CLPX: variants seen among roughly 807,000 people sequenced by gnomAD.
CLPX encodes ATP-dependent clpX-like chaperone, mitochondrial.
Under a neutral mutation model 76.4 loss-of-function variants are expected in CLPX, and 34 were observed. The ratio of observed to expected loss-of-function variants is 0.45; its 90% CI spans 0.34 to 0.59. The LOEUF (loss-of-function observed/expected upper bound fraction) is 0.59, where lower values mean the gene tolerates loss of function less well. Ranked by LOEUF, CLPX falls within the 20% of genes least tolerant of loss-of-function variation. The probability of loss-of-function intolerance (pLI) is 0.01; values close to 1 mark genes in which losing one functional copy is unlikely to be tolerated. For missense variants in CLPX, 613 were observed against 757.0 expected, an observed-to-expected ratio of 0.81 and a Z score of 2.23; for synonymous variants, 248 against 270.9, an observed-to-expected ratio of 0.92 and a Z score of 0.83.
At chr15:65,160,623 T>TCTCTCTCTCTCTCACA (rs1219208926) in intron 6 of CLPX, among the ~76,000 whole-genome samples, 23 of 101,022 alleles carry the variant, frequency 2.3e-4, no homozygotes, top group African/African-American at 7.5e-4. Context: ...TCTCTCTCTC[T>TCTCTCTCTCTCTCACA]CACACACACA....
At chr15:65,158,377 G>A in intron 7 of CLPX, 198 bp downstream of exon 7, 1 of 473,228 alleles carries the variant, frequency 2.1e-6, no homozygotes. Context: ...AAGATGTTAG[G>A]GATTGGCCTG....
intron 6 of CLPX, among the ~76,000 whole-genome samples, chr15:65,160,631 A>T (rs992911102): frequency 6.0e-5 from 9 of 149,676 alleles, no homozygotes; most frequent in African/African-American, 2.0e-4. Context: ...TCTCACACAC[A>T]CACACACACA....
chr15:65,156,180 T>C (rs1488581617), intron 9 of CLPX, among the ~76,000 whole-genome samples: 1 of 152,164 alleles, frequency 6.6e-6, no homozygotes, highest in East Asian at 1.9e-4. Flanking sequence ...TCAAGCACGG[T>C]GGGAACATTC....
At chr15:65,155,978 A>C in intron 9 of CLPX, 122 bp from the exon 10 acceptor site, 1 of 739,750 alleles carries the variant, frequency 1.4e-6, no homozygotes, top group Non-Finnish European at 2.2e-6. Context: ...TACCTAATGA[A>C]ACTCCCACAT....
In CLPX at chr15:65,178,501, CA is replaced by C. The variant is rs569043260; in HGVS notation, c.358+432del. 8.2e-4 allele frequency among the ~76,000 whole-genome samples: 125 copies of C among 152,188 alleles called. 1 individual carries two copies. The highest frequency in any genetic ancestry group is 2.9e-3 in the African/African-American group (119 of 41,550). ...ATTTACATATAATTTATATAACATA[CA>C]AAGTCACATACATTTATCTATTTCA... On this transcript the variant is annotated intron_variant, in intron 3 of 13. Transcript: ENST00000300107.
intron 6 of CLPX, among the ~76,000 whole-genome samples, chr15:65,159,756 T>G (rs375280478): frequency 6.6e-6 from 1 of 152,304 alleles, no homozygotes; most frequent in East Asian, 1.9e-4. Context: ...TTTGAGTACC[T>G]GTTATCACAA....
intron 12 of CLPX, among the ~76,000 whole-genome samples, chr15:65,152,900 T>G (rs1177200868): frequency 6.7e-6 from 1 of 150,204 alleles, no homozygotes; most frequent in African/African-American, 2.4e-5. Context: ...CCCAGCCTCT[T>G]TTTTTTTGTT....
At chr15:65,164,228 T>A (rs764803141) in intron 4 of CLPX, 40 bp from the exon 5 acceptor site, 1 of 1,506,778 alleles carries the variant, frequency 6.6e-7, no homozygotes, top group Non-Finnish European at 9.1e-7. Flanking sequence ...ATATGAGCTA[T>A]TATAAGAGCA....
intron 3 of CLPX, among the ~76,000 whole-genome samples, chr15:65,169,245 C>T (rs983376262): frequency 3.3e-5 from 5 of 151,896 alleles, no homozygotes; most frequent in African/African-American, 4.8e-5. Flanking sequence ...TGAGCCACTG[C>T]GCCCGGCCGA....
intron 13 of CLPX, 42 bp from the exon 14 acceptor site, chr15:65,150,955 G>A: frequency 7.2e-7 from 1 of 1,386,974 alleles, no homozygotes; most frequent in Non-Finnish European, 1.0e-6. Flanking sequence ...AATAAAAAAT[G>A]GAGGTAAACA....
At position 65,164,909 on chromosome 15, in the gene CLPX, C is replaced by T. The variant is rs1158754882; in HGVS notation, c.514-721G>A. The stretch of plus-strand genomic sequence containing the variant: ...GGGATTACAGGCATGAGCCACCAAG[C>T]TCAGCCCTAAAAACTTTATTCTTAA... On this transcript the variant is annotated intron_variant, in intron 4 of 13. Transcript: ENST00000300107. 5.9e-5 allele frequency among the ~76,000 whole-genome samples: 9 copies of T among 152,142 alleles called. No individual in the cohort carries two copies. In the South Asian group the frequency reaches 8.3e-4, roughly 14 times the overall value.
Position 65,164,037 on chromosome 15 carries a change from G to A in CLPX, c.665C>T (p.Thr222Ile), listed in dbSNP as rs1432102935. 6.2e-7 allele frequency: 1 copy of A among 1,613,114 alleles called. No homozygotes were observed. Among genetic ancestry groups the A allele is most frequent in the Non-Finnish European group, 8.5e-7 (1 of 1,179,630 alleles). ...ATTATCAAAAACGCTACCTCTTGGT[G>A]TTAATGATGTCTGCTTCTCAACCTC... ...QAEVEKQTSL[T>I]PRELEIRRRE... The change falls in exon 5 of 14, where the codon ACA (threonine) becomes ATA (isoleucine). Residue 222 changes from threonine (T) to isoleucine (I), a missense_variant. By Grantham distance (89) the Thr-to-Ile change is moderately conservative (BLOSUM62 -1). This residue lies in a region of CLPX where 450 missense variants were observed against 638.6 expected (regional missense o/e 0.70). Coordinates refer to ENST00000300107, the MANE Select transcript of CLPX (RefSeq NM_006660.5).
At chr15:65,153,408 A>G in intron 12 of CLPX, 139 bp downstream of exon 12, 1 of 609,306 alleles carries the variant, frequency 1.6e-6, no homozygotes, top group South Asian at 2.1e-5. Flanking sequence ...GTGAGCCAAG[A>G]TCGCACCACT....
intron 9 of CLPX, 126 bp from the exon 10 acceptor site, chr15:65,155,982 C>T: frequency 1.4e-6 from 1 of 710,788 alleles, no homozygotes; most frequent in Non-Finnish European, 2.3e-6. Flanking sequence ...TAATGAAACT[C>T]CCACATTCCT....
intron 3 of CLPX, among the ~76,000 whole-genome samples, chr15:65,173,385 A>AAAG (rs1295492791): frequency 1.3e-5 from 2 of 151,418 alleles, no homozygotes; most frequent in East Asian, 3.9e-4. Context: ...AAAAAAAAAA[A>AAAG]AAGAAGACAG....
At chr15:65,177,347 G>C (rs185221349) in intron 3 of CLPX, among the ~76,000 whole-genome samples, 62 of 152,294 alleles carry the variant, frequency 4.1e-4, no homozygotes, top group African/African-American at 1.4e-3. Flanking sequence ...GTGATTACTG[G>C]TGTGAGCCAC....
chr15:65,178,470 C>G (rs180674024), intron 3 of CLPX, among the ~76,000 whole-genome samples: 1 of 152,288 alleles, frequency 6.6e-6, no homozygotes, highest in East Asian at 1.9e-4. Context: ...CAGGTAAGCT[C>G]ATACAATTTA....
chr15:65,174,565 A>C (rs1480790456), intron 3 of CLPX, among the ~76,000 whole-genome samples: 1 of 152,098 alleles, frequency 6.6e-6, no homozygotes, highest in Non-Finnish European at 1.5e-5. Context: ...GCCGGGCCAC[A>C]ACTTGGTAAA....
chr15:65,155,716 G>T lies in CLPX; in HGVS notation c.1287C>A (p.Ile429=), dbSNP rs1008172172. 6.2e-7 allele frequency: 1 copy of T among 1,612,230 alleles called. No homozygotes were observed. The highest frequency in any genetic ancestry group is 8.5e-7 in the Non-Finnish European group (1 of 1,179,150). Residue 429 remains isoleucine (I), a synonymous_variant, in exon 10 of 14, where the codon ATC becomes ATA. Coordinates refer to ENST00000300107, the MANE Select transcript of CLPX (RefSeq NM_006660.5). ...ASGAFNGLDR[I]ISRRKNEKYL... ...CCTTTTCATTTTTCCTCCTGCTGAT[G>T]ATTCTGTCTAAACCATTGAAAGCAC...
Sources: gnomAD v4.1 joint callset for allele counts (sites outside exome capture counted in the v4.1 genomes callset) on GRCh38, gnomAD v4.1.1 for gene constraint, gnomAD v4.1.1 regional missense constraint, MANE v1.5 for transcripts, NCBI Gene and HGNC (gene_info 2026-07-23, HGNC 2026-07-21) for gene names.